NAV2: variants seen among roughly 807,000 people sequenced by gnomAD.
NAV2 encodes neuron navigator 2.
A neutral mutation model predicts 223.2 loss-of-function variants in NAV2; 54 were observed. The ratio of observed to expected loss-of-function variants is 0.24; its 90% confidence interval spans 0.19 to 0.30. NAV2 has a LOEUF of 0.30. Ranked by LOEUF, NAV2 falls within the 10% of genes least tolerant of loss-of-function variation. The probability of loss-of-function intolerance (pLI) is 1.00; values close to 1 mark genes in which losing one functional copy is unlikely to be tolerated. For synonymous variants in NAV2, 1,279 were observed against 1,239.3 expected, an observed-to-expected ratio of 1.03 and a Z score of -0.67; for missense variants, 2,806 against 3,147.5, an observed-to-expected ratio of 0.89 and a Z score of 2.60.
At chr11:19,679,797 G>A (rs765778790) in intron 1 of NAV2, among the ~76,000 whole-genome samples, 2 of 152,220 alleles carry the variant, frequency 1.3e-5, no homozygotes, top group African/African-American at 2.4e-5. Flanking sequence ...AGCTTCCTGA[G>A]GGCAGGGACT....
At chr11:19,979,165 C>G (rs1591515806) in intron 10 of NAV2, 1 of 152,288 alleles carries the variant, frequency 6.6e-6, no homozygotes, top group Middle Eastern at 3.4e-3. Context: ...ATGACTCAGA[C>G]AGGACTAGGA....
chr11:19,578,495 A>G (rs1057216581), intron 1 of NAV2, among the ~76,000 whole-genome samples: 2 of 152,156 alleles, frequency 1.3e-5, no homozygotes, highest in Non-Finnish European at 1.5e-5. Flanking sequence ...GCAGGGGGTG[A>G]GTCCCAGTGG....
chr11:20,105,696 G>A lies in NAV2; in HGVS notation c.6810G>A (p.Leu2270=). The stretch of plus-strand genomic sequence containing the variant: ...TCTGGCATCACCTCAACCGCTTCCT[G>A]GAGGCTCACAGTTCCTCGGACGTCA... ...PKVWHHLNRF[L]EAHSSSDVTI... The change falls in exon 35 of 38, where the codon CTG becomes CTA. Residue 2270 remains leucine (L), a synonymous_variant. Transcript: ENST00000349880. The A allele has an allele frequency of 6.2e-7, 1 of 1,613,260 alleles. No homozygotes were observed. The highest frequency in any genetic ancestry group is 2.2e-5 in the East Asian group (1 of 44,868).
intron 1 of NAV2, among the ~76,000 whole-genome samples, chr11:19,795,351 A>C (rs1394979063): frequency 1.3e-5 from 2 of 152,150 alleles, no homozygotes; most frequent in African/African-American, 4.8e-5. Flanking sequence ...CATATTTAGA[A>C]TTTTTGCCAT....
chr11:20,019,010 A>C (rs1421393330), intron 11 of NAV2, among the ~76,000 whole-genome samples: 1 of 152,214 alleles, frequency 6.6e-6, no homozygotes, highest in Non-Finnish European at 1.5e-5. Context: ...GCCAGATCAC[A>C]TCAGGGCTTC....
intron 1 of NAV2, among the ~76,000 whole-genome samples, chr11:19,792,230 A>G (rs967921860): frequency 3.3e-5 from 5 of 152,222 alleles, no homozygotes; most frequent in East Asian, 1.9e-4. Flanking sequence ...GCTCTGTGCC[A>G]GTGACATTCC....
At chr11:19,660,385 T>C (rs1336005632) in intron 1 of NAV2, among the ~76,000 whole-genome samples, 2 of 152,202 alleles carry the variant, frequency 1.3e-5, no homozygotes, top group African/African-American at 4.8e-5. Flanking sequence ...CACTCACCAC[T>C]TCCTGGCCTG....
intron 1 of NAV2, among the ~76,000 whole-genome samples, chr11:19,499,491 C>T (rs1359299209): frequency 6.6e-6 from 1 of 152,196 alleles, no homozygotes; most frequent in Non-Finnish European, 1.5e-5. Flanking sequence ...CAGTGCCTGG[C>T]ACAGGCACTT....
chr11:19,350,865 T>C, exon 1 of NAV2: 1 of 1,302,906 alleles, frequency 7.7e-7, no homozygotes. Context: ...GTCTGGCTGT[T>C]GCATGCATCA....
chr11:19,578,848 A>G (rs1240187946), intron 1 of NAV2, among the ~76,000 whole-genome samples: 1 of 152,096 alleles, frequency 6.6e-6, no homozygotes, highest in Non-Finnish European at 1.5e-5. Context: ...CTGGCTCTCG[A>G]CAGGAAAGGT....
chr11:19,510,262 C>T (rs1009095099), intron 1 of NAV2, among the ~76,000 whole-genome samples: 2 of 152,070 alleles, frequency 1.3e-5, no homozygotes, highest in Admixed American at 6.6e-5. Flanking sequence ...AGTCATTAAC[C>T]CTCACAGTTA....
chr11:19,401,032 A>T (rs2133307821), intron 1 of NAV2, among the ~76,000 whole-genome samples: 1 of 152,368 alleles, frequency 6.6e-6, no homozygotes, highest in East Asian at 1.9e-4. Context: ...CTGCCAGAAT[A>T]ACTCCTACCA....
chr11:19,481,172 C>A (rs538408807), intron 1 of NAV2, among the ~76,000 whole-genome samples: 2 of 152,216 alleles, frequency 1.3e-5, no homozygotes, highest in South Asian at 4.2e-4. Context: ...CCCCACAGGA[C>A]CCTGGAGAAT....
chr11:19,543,784 A>G (rs1590466013), intron 1 of NAV2, among the ~76,000 whole-genome samples: 1 of 151,914 alleles, frequency 6.6e-6, no homozygotes, highest in Non-Finnish European at 1.5e-5. Flanking sequence ...CACTTGGCTA[A>G]CTCTGAGGCT....
At chr11:19,420,157 T>A (rs1195654685) in intron 1 of NAV2, among the ~76,000 whole-genome samples, 3 of 152,234 alleles carry the variant, frequency 2.0e-5, no homozygotes, top group Non-Finnish European at 4.4e-5. Context: ...GACTGTTGTG[T>A]TTCTCCCATG....
intron 1 of NAV2, among the ~76,000 whole-genome samples, chr11:19,463,649 G>A (rs139125830): frequency 6.6e-6 from 1 of 152,254 alleles, no homozygotes; most frequent in African/African-American, 2.4e-5. Context: ...TCTGGAGAGG[G>A]TGTGGTGTCT....
chr11:19,985,486 A>G (rs1247047414), intron 11 of NAV2, among the ~76,000 whole-genome samples: 1 of 152,182 alleles, frequency 6.6e-6, no homozygotes, highest in Non-Finnish European at 1.5e-5. Context: ...TTTTTCCTGT[A>G]ATTAACAAAG....
intron 1 of NAV2, among the ~76,000 whole-genome samples, chr11:19,727,006 A>G (rs139271154): frequency 3.3e-5 from 5 of 152,308 alleles, no homozygotes; most frequent in African/African-American, 7.2e-5. Flanking sequence ...TCACCCTAGA[A>G]GAGGACCTCA....
chr11:19,939,065 G>T (rs2046178572), intron 7 of NAV2, among the ~76,000 whole-genome samples: 1 of 152,148 alleles, frequency 6.6e-6, no homozygotes, highest in South Asian at 2.1e-4. Context: ...GCATGGAGAG[G>T]GTTTGGGGAA....
Sources: gnomAD v4.1 joint callset for allele counts (sites outside exome capture counted in the v4.1 genomes callset) on GRCh38, gnomAD v4.1.1 for gene constraint, MANE v1.5 for transcripts, NCBI Gene and HGNC (gene_info 2026-07-23, HGNC 2026-07-21) for gene names.